The following VSTM4 variants were observed in gnomAD, a reference collection of about 807,000 sequenced individuals.
VSTM4 encodes the protein V-set and transmembrane domain containing 4, also known as V-set and transmembrane domain-containing protein 4.
Under a neutral mutation model 36.4 loss-of-function variants are expected in VSTM4, and 20 were observed. The ratio of observed to expected loss-of-function variants is 0.55; its 90% confidence interval spans 0.39 to 0.80. The LOEUF (loss-of-function observed/expected upper bound fraction) is 0.80. VSTM4 is among the 30% of genes least tolerant of loss of function. The probability of loss-of-function intolerance (pLI) is 0.00; values close to 1 mark genes in which losing one functional copy is unlikely to be tolerated. For missense variants in VSTM4, 392 were observed against 404.5 expected, an observed-to-expected ratio of 0.97 and a Z score of 0.26; for synonymous variants, 182 against 173.9, an observed-to-expected ratio of 1.05 and a Z score of -0.37.
At chr10:49,029,128 T>C (rs1366468875) in intron 7 of VSTM4, among the ~76,000 whole-genome samples, 1 of 152,168 alleles carries the variant, frequency 6.6e-6, no homozygotes, top group Non-Finnish European at 1.5e-5. Context: ...CCTCAATGGG[T>C]CTCCATAGTA....
intron 7 of VSTM4, among the ~76,000 whole-genome samples, chr10:49,031,366 G>C (rs1843342833): frequency 6.6e-6 from 1 of 152,108 alleles, no homozygotes; most frequent in Admixed American, 6.5e-5. Context: ...TTATTTTGAG[G>C]ATTAAATGCA....
chr10:49,050,434 T>C (rs1843679945), intron 5 of VSTM4, among the ~76,000 whole-genome samples: 1 of 152,186 alleles, frequency 6.6e-6, no homozygotes, highest in South Asian at 2.1e-4. Context: ...ATTCTAATAA[T>C]AGTCCTAGAT....
At chr10:49,085,503 C>T (rs879529625) in intron 3 of VSTM4, among the ~76,000 whole-genome samples, 6 of 152,178 alleles carry the variant, frequency 3.9e-5, no homozygotes, top group Non-Finnish European at 5.9e-5. Context: ...CTTGAAGATT[C>T]GTCCCTAATA....
intron 4 of VSTM4, among the ~76,000 whole-genome samples, chr10:49,072,891 C>T (rs1210756170): frequency 2.6e-5 from 4 of 152,214 alleles, no homozygotes; most frequent in Non-Finnish European, 5.9e-5. Context: ...GCACCCAGCC[C>T]AGTGCAGAAT....
At chr10:49,042,920 G>A (rs1462056511) in intron 7 of VSTM4, among the ~76,000 whole-genome samples, 1 of 152,184 alleles carries the variant, frequency 6.6e-6, no homozygotes, top group Non-Finnish European at 1.5e-5. Flanking sequence ...GACCACAGGG[G>A]GTGAGTAATA....
intron 3 of VSTM4, among the ~76,000 whole-genome samples, chr10:49,078,619 C>G (rs931603636): frequency 1.3e-5 from 2 of 151,426 alleles, no homozygotes; most frequent in Non-Finnish European, 2.9e-5. Context: ...AAATAGAGAA[C>G]AGATGAGTGG....
chr10:49,083,922 G>T (rs1226528362), intron 3 of VSTM4, among the ~76,000 whole-genome samples: 1 of 152,144 alleles, frequency 6.6e-6, no homozygotes, highest in Non-Finnish European at 1.5e-5. Flanking sequence ...CAGAACCTCA[G>T]GGGCTGGAGC....
chr10:49,030,943 CAA>C (rs1308644489), intron 7 of VSTM4, among the ~76,000 whole-genome samples: 1 of 152,188 alleles, frequency 6.6e-6, no homozygotes, highest in African/African-American at 2.4e-5. Context: ...CTGGAACTTT[CAA>C]AGTCTCACAG....
intron 4 of VSTM4, among the ~76,000 whole-genome samples, chr10:49,074,061 T>A (rs760593214): frequency 5.9e-5 from 9 of 152,222 alleles, no homozygotes; most frequent in Non-Finnish European, 8.8e-5. Context: ...CTGATCCTTG[T>A]CCCCTGCATG....
intron 3 of VSTM4, among the ~76,000 whole-genome samples, chr10:49,082,463 A>G (rs1844297267): frequency 6.6e-6 from 1 of 152,188 alleles, no homozygotes; most frequent in African/African-American, 2.4e-5. Flanking sequence ...CGGGAGTTCG[A>G]AACCAGCCTT....
rs1260574515 is a variant in VSTM4 at position 49,017,044 on chromosome 10, GTAGTTTC to G, written c.*2599_*2605del. The G allele has an allele frequency of 6.6e-6, 1 of 152,234 alleles. No individual in the cohort carries two copies. Among genetic ancestry groups the G allele is most frequent in the Non-Finnish European group, 1.5e-5 (1 of 68,038 alleles). The allele number at this position is 152,234 out of a possible 1,614,324, so 9.4% of individuals were successfully genotyped here. Reference sequence around the variant, plus strand: ...GGTCTATTTTGAAAATTACTCATATGTAGTTTCTGCCATTGATGCCTTATAGTGAAAA... The same window carrying G: ...GGTCTATTTTGAAAATTACTCATATGTGCCATTGATGCCTTATAGTGAAAA... On this transcript the variant is annotated 3_prime_UTR_variant, in exon 8 of 8. Coordinates refer to ENST00000332853, the MANE Select transcript of VSTM4 (RefSeq NM_001031746.5).
At chr10:49,080,443 C>T (rs1844258793) in intron 3 of VSTM4, among the ~76,000 whole-genome samples, 1 of 152,244 alleles carries the variant, frequency 6.6e-6, no homozygotes, top group South Asian at 2.1e-4. Flanking sequence ...TCTATGAGAT[C>T]TTCCTGTGTT....
intron 1 of VSTM4, among the ~76,000 whole-genome samples, chr10:49,108,478 GCA>G (rs906117526): frequency 9.2e-5 from 14 of 152,168 alleles, no homozygotes; most frequent in African/African-American, 3.4e-4. Context: ...CTGGAGCAGG[GCA>G]GGGTAGGGCC....
At chr10:49,087,482 T>A (rs1428512289) in intron 2 of VSTM4, among the ~76,000 whole-genome samples, 1 of 152,194 alleles carries the variant, frequency 6.6e-6, no homozygotes, top group East Asian at 1.9e-4. Flanking sequence ...AAATTTTGGT[T>A]CCCTGATAGG....
At chr10:49,046,036 C>T (rs1843605884) in intron 7 of VSTM4, among the ~76,000 whole-genome samples, 1 of 152,168 alleles carries the variant, frequency 6.6e-6, no homozygotes, top group African/African-American at 2.4e-5. Flanking sequence ...CCTGTGCTCA[C>T]ACACACCCTC....
intron 2 of VSTM4, chr10:49,102,600 T>C (rs549321219): frequency 1.0e-6 from 1 of 985,388 alleles, no homozygotes; most frequent in East Asian, 1.1e-4. Context: ...AAGGCATTGA[T>C]GGAAGATGAA....
At chr10:49,104,904 G>C (rs924539833) in intron 2 of VSTM4, among the ~76,000 whole-genome samples, 18 of 151,578 alleles carry the variant, frequency 1.2e-4, no homozygotes, top group East Asian at 3.9e-4. Flanking sequence ...GAGAGACACA[G>C]AGAGAGAGAG....
intron 5 of VSTM4, among the ~76,000 whole-genome samples, chr10:49,059,282 G>GA (rs1056860153): frequency 3.3e-5 from 5 of 152,188 alleles, no homozygotes; most frequent in African/African-American, 1.2e-4. Flanking sequence ...GACCCAACAG[G>GA]AGACTGCTCA....
chr10:49,024,674 GGTGCTGAACATGTGT>G (rs1177012132), intron 7 of VSTM4, among the ~76,000 whole-genome samples: 2 of 152,136 alleles, frequency 1.3e-5, no homozygotes, highest in African/African-American at 2.4e-5. Flanking sequence ...CCCCATAAAA[GGTGCTGAACATGTGT>G]GTGCTGAACA....
Sources: allele counts gnomAD v4.1 joint callset (sites outside exome capture counted in the v4.1 genomes callset), GRCh38; gene constraint gnomAD v4.1.1; transcripts MANE v1.5; gene names NCBI Gene and HGNC (gene_info 2026-07-23, HGNC 2026-07-21).